ATRNL1: variants seen among roughly 807,000 people sequenced by gnomAD.
ATRNL1 encodes attractin-like protein 1.
In ATRNL1, 95 loss-of-function variants were observed where a neutral mutation model predicts 182.7. The observed-to-expected ratio is 0.52, with a 90% CI of 0.44 to 0.62. The LOEUF (loss-of-function observed/expected upper bound fraction) is 0.62, where lower values mean the gene tolerates loss of function less well. Among genes scored for constraint, ATRNL1 ranks in the 20% least tolerant of loss-of-function variants. ATRNL1 has a pLI of 0.00. For missense variants in ATRNL1, 1,471 were observed against 1,679.5 expected (o/e 0.88, Z 2.17); for synonymous variants, 576 against 568.3 (o/e 1.01, Z -0.19).
Position 115,562,878 on chromosome 10 carries a change from C to T in ATRNL1, c.3795+13342C>T, listed in dbSNP as rs114566390. On this transcript the variant is annotated intron_variant, in intron 26 of 28. Coordinates refer to ENST00000355044, the MANE Select transcript of ATRNL1 (RefSeq NM_207303.4). ...TAACCAGTGTGAGAATGGGCTAATA[C>T]ATTTCTAGAAATTGACAAGTAGATT... 3.9e-3 allele frequency among the ~76,000 whole-genome samples: 595 copies of T among 152,220 alleles called. 6 individuals carry two copies. The highest frequency in any genetic ancestry group is 0.014 in the African/African-American group (582 of 41,534).
At position 115,424,266 on chromosome 10, in the gene ATRNL1, A is replaced by C. The variant is rs527544528; in HGVS notation, c.3270-1984A>C. Among the ~76,000 whole-genome samples, 8 of 152,360 alleles carry C rather than the reference A, an allele frequency of 5.3e-5. No individual in the cohort carries two copies. The South Asian group carries it at 1.7e-3, about 32-fold the overall frequency. On this transcript the variant is annotated intron_variant, in intron 20 of 28. Coordinates refer to ENST00000355044, the MANE Select transcript of ATRNL1 (RefSeq NM_207303.4). ...ACTAGTTAGAATGGCTGTTATGAAAAAGACAAAAAAATAACAAATACTGGC... is the reference window on the plus strand; with the variant it reads ...ACTAGTTAGAATGGCTGTTATGAAACAGACAAAAAAATAACAAATACTGGC...
chr10:115,428,355 T>A (rs963515463), intron 21 of ATRNL1, among the ~76,000 whole-genome samples: 3 of 152,094 alleles, frequency 2.0e-5, no homozygotes, highest in Admixed American at 6.5e-5. Flanking sequence ...AGCAGTTGGA[T>A]TTCTTTTCCT....
rs139992259 is a variant in ATRNL1, at chr10:115,456,087, A to G, written c.3323-5854A>G. On this transcript the variant is annotated intron_variant, in intron 21 of 28. Coordinates refer to ENST00000355044, the MANE Select transcript of ATRNL1 (RefSeq NM_207303.4). ...TGAAAGACAGTGTGGCAATTCCTCA[A>G]GGATCTAAATCTAGAAATACCATTT... Among the ~76,000 whole-genome samples, 103 of 152,298 alleles carry G rather than the reference A, an allele frequency of 6.8e-4. No homozygotes were observed. In the Middle Eastern group the frequency reaches 0.01, roughly 15 times the overall value.
At chr10:115,323,871 G>A (rs562865728) in intron 18 of ATRNL1, among the ~76,000 whole-genome samples, 40 of 151,740 alleles carry the variant, frequency 2.6e-4, no homozygotes, top group African/African-American at 8.5e-4. Flanking sequence ...TCCACCTCCC[G>A]GGTTCACGCC....
At chr10:115,191,977 T>C (rs547437901) in intron 8 of ATRNL1, among the ~76,000 whole-genome samples, 1 of 152,222 alleles carries the variant, frequency 6.6e-6, no homozygotes, top group African/African-American at 2.4e-5. Context: ...TTTGACAACT[T>C]TGTATATTCT....
At chr10:115,811,602 T>G (rs1950048335) in intron 27 of ATRNL1, among the ~76,000 whole-genome samples, 1 of 152,046 alleles carries the variant, frequency 6.6e-6, no homozygotes, top group African/African-American at 2.4e-5. Flanking sequence ...TTCTGTATAT[T>G]CTATCAGTTT....
intron 28 of ATRNL1, among the ~76,000 whole-genome samples, chr10:115,911,966 A>G (rs1199364540): frequency 1.3e-5 from 2 of 152,142 alleles, no homozygotes; most frequent in Non-Finnish European, 2.9e-5. Context: ...TGCTTCCTTT[A>G]TGTACTATGT....
chr10:115,624,029 G>A (rs1214016336), intron 26 of ATRNL1, among the ~76,000 whole-genome samples: 1 of 151,464 alleles, frequency 6.6e-6, no homozygotes, highest in African/African-American at 2.4e-5. Context: ...ATCCAGGCAG[G>A]ATTAAATTTG....
chr10:115,375,974 T>C (rs1484715724), intron 19 of ATRNL1, among the ~76,000 whole-genome samples: 1 of 152,184 alleles, frequency 6.6e-6, no homozygotes, highest in African/African-American at 2.4e-5. Context: ...CATACTTTCA[T>C]TTCAAATTGA....
At chr10:115,288,157 C>T (rs1312702554) in intron 15 of ATRNL1, among the ~76,000 whole-genome samples, 11 of 152,090 alleles carry the variant, frequency 7.2e-5, no homozygotes, top group African/African-American at 2.7e-4. Context: ...GGTTCCACAT[C>T]TTGGCTATTG....
At position 115,127,661 on chromosome 10, in the gene ATRNL1, C is replaced by G; in HGVS notation, c.560C>G (p.Ala187Gly). Residue 187 changes from alanine (A) to glycine (G), a missense_variant, in exon 4 of 29, where the codon GCA becomes GGA. Around this residue, in one of 3 missense-constraint regions of ATRNL1, gnomAD observed 1,031 missense variants for 1,156.0 expected, o/e 0.89. Coordinates refer to ENST00000355044, the MANE Select transcript of ATRNL1 (RefSeq NM_207303.4). ...VPEVVTTSGY[A>G]LLHFFSDAAY... The stretch of plus-strand genomic sequence containing the variant: ...GAAGTTGTTACTACATCTGGCTATG[C>G]ACTGTTACATTTTTTTAGTGATGCT... The G allele has an allele frequency of 6.3e-7, 1 of 1,586,042 alleles. No individual in the cohort carries two copies. The highest frequency in any genetic ancestry group is 8.6e-7 in the Non-Finnish European group (1 of 1,169,518).
intron 26 of ATRNL1, among the ~76,000 whole-genome samples, chr10:115,697,341 T>A (rs782715458): frequency 4.6e-5 from 7 of 152,160 alleles, no homozygotes; most frequent in Non-Finnish European, 1.0e-4. Context: ...ACAAGCATGT[T>A]TTGTATTTTT....
At chr10:115,470,468 A>G (rs1308535129) in intron 24 of ATRNL1, among the ~76,000 whole-genome samples, 1 of 150,716 alleles carries the variant, frequency 6.6e-6, no homozygotes, top group African/African-American at 2.4e-5. Flanking sequence ...AGATTCATAG[A>G]GAAATATTTA....
chr10:115,603,142 G>A (rs1208501208), intron 26 of ATRNL1, among the ~76,000 whole-genome samples: 4 of 152,078 alleles, frequency 2.6e-5, no homozygotes, highest in Admixed American at 6.5e-5. Context: ...TTTAATGGAC[G>A]TTTCATTTCA....
intron 8 of ATRNL1, among the ~76,000 whole-genome samples, chr10:115,199,622 A>G (rs1204907265): frequency 6.6e-6 from 1 of 152,106 alleles, no homozygotes; most frequent in Non-Finnish European, 1.5e-5. Context: ...TTTTTATAAA[A>G]ATATCTTGAT....
intron 8 of ATRNL1, among the ~76,000 whole-genome samples, chr10:115,179,117 T>C (rs782424861): frequency 2.0e-5 from 3 of 152,304 alleles, no homozygotes; most frequent in South Asian, 2.1e-4. Flanking sequence ...GTTTTTAGTA[T>C]ATTAACCAAA....
At chr10:115,835,568 A>G (rs1950650420) in intron 27 of ATRNL1, among the ~76,000 whole-genome samples, 1 of 152,222 alleles carries the variant, frequency 6.6e-6, no homozygotes, top group African/African-American at 2.4e-5. Context: ...CTGGTGAGGA[A>G]CAAAAGTATA....
intron 27 of ATRNL1, among the ~76,000 whole-genome samples, chr10:115,824,773 G>A (rs1308956269): frequency 1.3e-5 from 2 of 152,180 alleles, no homozygotes; most frequent in Non-Finnish European, 2.9e-5. Flanking sequence ...ATGCTGGAGA[G>A]GATGTGGAAA....
chr10:115,727,983 A>T (rs1471948641), intron 27 of ATRNL1, among the ~76,000 whole-genome samples: 1 of 151,842 alleles, frequency 6.6e-6, no homozygotes, highest in Non-Finnish European at 1.5e-5. Context: ...ATCCCTAAAG[A>T]TGCAAAATTC....
Sources: allele counts gnomAD v4.1 joint callset (sites outside exome capture counted in the v4.1 genomes callset), GRCh38; gene constraint gnomAD v4.1.1; regional missense constraint gnomAD v4.1.1; transcripts MANE v1.5; gene names NCBI Gene and HGNC (gene_info 2026-07-23, HGNC 2026-07-21).